The following MPRIP variants were observed in gnomAD, a reference collection of about 807,000 sequenced individuals.
The protein encoded by MPRIP is myosin phosphatase Rho-interacting protein.
In MPRIP, 59 loss-of-function variants were observed where a neutral mutation model predicts 234.9. That is an observed-to-expected ratio of 0.25 (90% CI 0.20 to 0.31). The LOEUF is 0.31. Ranked by LOEUF, MPRIP falls within the 10% of genes least tolerant of loss-of-function variation. MPRIP has a pLI of 1.00. For synonymous variants in MPRIP, 1,144 were observed against 1,263.9 expected (o/e 0.91, Z 2.01); for missense variants, 2,436 against 3,071.0 (o/e 0.79, Z 4.89).
intron 19 of MPRIP, among the ~76,000 whole-genome samples, chr17:17,174,797 TAA>T (rs529734070): frequency 4.2e-4 from 56 of 132,038 alleles, no homozygotes; most frequent in Middle Eastern, 3.7e-3. Flanking sequence ...AGACTCCGTC[TAA>T]AAAAAAAAAA....
At chr17:17,097,260 C>T (rs2089867693) in intron 3 of MPRIP, 1 of 176,596 alleles carries the variant, frequency 5.7e-6, no homozygotes, top group Admixed American at 5.6e-5. Flanking sequence ...TGTATCTATT[C>T]TCTTATGATG....
At chr17:17,055,454 G>C (rs1462355658) in intron 1 of MPRIP, among the ~76,000 whole-genome samples, 3 of 152,168 alleles carry the variant, frequency 2.0e-5, no homozygotes, top group Non-Finnish European at 4.4e-5. Context: ...TGGCCCCCTG[G>C]TCACCAGTGT....
At chr17:17,176,104 G>A (rs2046247958) in intron 20 of MPRIP, among the ~76,000 whole-genome samples, 1 of 152,230 alleles carries the variant, frequency 6.6e-6, no homozygotes, top group Admixed American at 6.5e-5. Flanking sequence ...GAGTGAGTCT[G>A]ACACAAGTGT....
chr17:17,180,536 C>A (rs912748651), intron 23 of MPRIP: 2 of 1,390,862 alleles, frequency 1.4e-6, no homozygotes, highest in Non-Finnish European at 2.0e-6. Context: ...GGAGGGCGGG[C>A]GGAGGTGGGA....
intron 5 of MPRIP, among the ~76,000 whole-genome samples, chr17:17,132,881 C>T (rs111238972): frequency 3.9e-5 from 6 of 152,192 alleles, no homozygotes; most frequent in Admixed American, 1.3e-4. Context: ...GCAGTTAATA[C>T]GTAAATCCCC....
At chr17:17,079,987 G>A (rs1273260524) in intron 3 of MPRIP, among the ~76,000 whole-genome samples, 1 of 152,212 alleles carries the variant, frequency 6.6e-6, no homozygotes, top group Non-Finnish European at 1.5e-5. Flanking sequence ...AGGCAGAGGT[G>A]GGACTGTGCC....
intron 19 of MPRIP, 84 bp from the exon 20 acceptor site, chr17:17,175,209 T>C: frequency 6.3e-7 from 1 of 1,596,908 alleles, no homozygotes; most frequent in East Asian, 2.2e-5. Context: ...ACAAAGAACC[T>C]AGGGAAATGG....
rs534270916 is a variant in MPRIP at position 17,135,836 on chromosome 17, G to A, written c.505-383G>A. On this transcript the variant is annotated intron_variant, in intron 5 of 23. Coordinates refer to ENST00000651222, the MANE Select transcript of MPRIP (RefSeq NM_001364716.4). ...CTGACGACTCTTTCCTTCACATAGC[G>A]TCTGGGCACTCCATTTTAGCTTCTT... 9.8e-5 allele frequency among the ~76,000 whole-genome samples: 15 copies of A among 152,310 alleles called. No individual in the cohort carries two copies. In the South Asian group the frequency reaches 1.2e-3, roughly 13 times the overall value.
Position 17,076,083 on chromosome 17 carries a change from G to C in MPRIP, c.201+296G>C, listed in dbSNP as rs144599741. The C allele has an allele frequency of 1.8e-4, 62 of 350,272 alleles. 2 individuals are homozygous for C. In the East Asian group the frequency reaches 3.5e-3, roughly 20 times the overall value. The allele number at this position is 350,272 out of a possible 1,614,324, so 21.7% of individuals were successfully genotyped here. A position where few individuals can be genotyped will look rare whatever the true frequency, so the allele number is the denominator to read the frequency against. ...GGAAGAGGCAAAAGAGCAGTTAAAG[G>C]TTTGCATTATACCGAGCAGCTCCCA... On this transcript the variant is annotated intron_variant, in intron 2 of 23. Transcript: ENST00000651222.
chr17:17,049,532 A>G (rs985981066), intron 1 of MPRIP, among the ~76,000 whole-genome samples: 3 of 151,802 alleles, frequency 2.0e-5, no homozygotes, highest in Non-Finnish European at 2.9e-5. Flanking sequence ...AATTTTTTTT[A>G]TAAAGGACTC....
intron 2 of MPRIP, chr17:17,076,936 C>CTTTTTTTTTTTTTTTTTTTTTT (rs5819598): frequency 3.3e-5 from 3 of 91,376 alleles, no homozygotes; most frequent in African/African-American, 1.3e-4. Context: ...GGGCTCTTTG[C>CTTTTTTTTTTTTTTTTTTTTTT]TTTTTTTTTT....
intron 14 of MPRIP, 122 bp downstream of exon 14, chr17:17,159,124 C>G (rs2045806040): frequency 2.9e-6 from 3 of 1,018,380 alleles, no homozygotes; most frequent in Non-Finnish European, 4.3e-6. Flanking sequence ...CTTGCAGACC[C>G]CTAGGGGAGA....
intron 3 of MPRIP, among the ~76,000 whole-genome samples, chr17:17,079,972 T>C (rs748905961): frequency 5.9e-5 from 9 of 152,060 alleles, no homozygotes; most frequent in Non-Finnish European, 8.8e-5. Flanking sequence ...TTTCATGGAG[T>C]GCTCAGGCAG....
chr17:17,057,695 C>A (rs2088746241), intron 1 of MPRIP: 2 of 718,108 alleles, frequency 2.8e-6, no homozygotes, highest in Non-Finnish European at 5.2e-6. Flanking sequence ...CACGAATGTT[C>A]TCATGTTGAA....
chr17:17,160,081 G>A (rs375222431), intron 14 of MPRIP, among the ~76,000 whole-genome samples: 8 of 152,212 alleles, frequency 5.3e-5, no homozygotes, highest in African/African-American at 1.9e-4. Flanking sequence ...TTAAAAGTCA[G>A]GGGTCGGCTG....
intron 13 of MPRIP, among the ~76,000 whole-genome samples, chr17:17,155,491 G>C (rs536796194): frequency 6.6e-6 from 1 of 152,118 alleles, no homozygotes; most frequent in African/African-American, 2.4e-5. Flanking sequence ...TGATCCACTC[G>C]CCTTGGCCTC....
chr17:17,121,528 C>A (rs997362877), intron 3 of MPRIP, among the ~76,000 whole-genome samples: 1 of 152,232 alleles, frequency 6.6e-6, no homozygotes, highest in Non-Finnish European at 1.5e-5. Context: ...GCGTGGTATT[C>A]AAGGGCATGG....
intron 1 of MPRIP, among the ~76,000 whole-genome samples, chr17:17,055,223 G>C (rs1029862871): frequency 2.0e-5 from 3 of 152,102 alleles, no homozygotes; most frequent in Non-Finnish European, 4.4e-5. Flanking sequence ...TTCTTTGATG[G>C]GTGTATGAGT....
chr17:17,148,279 G>A (rs965183015), intron 11 of MPRIP, among the ~76,000 whole-genome samples: 5 of 152,224 alleles, frequency 3.3e-5, no homozygotes, highest in Non-Finnish European at 7.3e-5. Context: ...GCACTTCCGA[G>A]TGTGGTCTGT....
Sources: allele counts gnomAD v4.1 joint callset (sites outside exome capture counted in the v4.1 genomes callset), GRCh38; gene constraint gnomAD v4.1.1; transcripts MANE v1.5; gene names NCBI Gene and HGNC (gene_info 2026-07-23, HGNC 2026-07-21).